COL5A3: variants seen among roughly 807,000 people sequenced by gnomAD.
COL5A3 encodes collagen alpha-3(V) chain.
A neutral mutation model predicts 250.0 loss-of-function variants in COL5A3; 172 were observed. The observed-to-expected ratio is 0.69, with a 90% CI of 0.61 to 0.78. The LOEUF (loss-of-function observed/expected upper bound fraction) is 0.78, where lower values mean the gene tolerates loss of function less well. COL5A3 is among the 30% of genes least tolerant of loss of function. The probability of loss-of-function intolerance (pLI) is 0.00; values close to 1 mark genes in which losing one functional copy is unlikely to be tolerated. For synonymous variants in COL5A3, 937 were observed against 900.4 expected (o/e 1.04, Z -0.73); for missense variants, 2,340 against 2,334.4 (o/e 1.00, Z -0.05).
At chr19:10,010,243 T>G (rs1472448148) in intron 1 of COL5A3, 55 bp downstream of exon 1, 3 of 1,231,510 alleles carry the variant, frequency 2.4e-6, no homozygotes, top group Non-Finnish European at 3.2e-6. Flanking sequence ...CCTCGCTCTT[T>G]TAGAGCCTCT....
At chr19:10,006,391 C>T (rs1432855360) in intron 1 of COL5A3, among the ~76,000 whole-genome samples, 160 bp from the exon 2 acceptor site, 1 of 152,100 alleles carries the variant, frequency 6.6e-6, no homozygotes, top group South Asian at 2.1e-4. Flanking sequence ...GCCTGGGCCC[C>T]CAGCACCCCC....
chr19:9,986,252 G>C, intron 30 of COL5A3, 63 bp downstream of exon 30: 1 of 1,155,052 alleles, frequency 8.7e-7, no homozygotes, highest in Non-Finnish European at 1.2e-6. Context: ...AAGGGCAAAG[G>C]GCAGAGGGAA....
At chr19:10,002,150 C>G (rs1049127741) in intron 6 of COL5A3, among the ~76,000 whole-genome samples, 13 of 152,176 alleles carry the variant, frequency 8.5e-5, no homozygotes, top group Admixed American at 5.9e-4. Context: ...CAGGGCCAGG[C>G]TCCCGGAAGC....
intron 8 of COL5A3, among the ~76,000 whole-genome samples, chr19:9,999,618 C>T (rs977112643): frequency 1.4e-5 from 2 of 142,914 alleles, no homozygotes; most frequent in Admixed American, 1.4e-4. Flanking sequence ...GCGCCCGCCA[C>T]CACGCCCAGC....
chr19:9,976,697 C>T (rs2086927825), intron 44 of COL5A3, 86 bp from the exon 45 acceptor site: 1 of 1,016,306 alleles, frequency 9.8e-7, no homozygotes, highest in Admixed American at 2.7e-5. Context: ...GCCTCCCACA[C>T]CCCCTTTATG....
At chr19:9,967,640 C>T (rs2086773315) in intron 61 of COL5A3, 1 of 557,700 alleles carries the variant, frequency 1.8e-6, no homozygotes, top group Admixed American at 3.7e-5. Context: ...TCTCTGAAAT[C>T]AGCTTCTTAA....
chr19:10,003,597 A>G lies in COL5A3; in HGVS notation c.817T>C (p.Ser273Pro). ...TCTGCGGAGTCAGGAGGTGGACTTG[A>G]GGTCCAAATTTCCTTGTTCTTTTTC... is the stretch of plus-strand genomic sequence containing the variant. ...GRKKNKEIWT[S>P]SPPPDSAENQ... is the part of the protein sequence containing the mutation. Residue 273 changes from serine to proline, a missense_variant, in exon 6 of 67, where the codon TCA becomes CCA. Transcript: ENST00000264828. 1 of 1,614,172 alleles carries G rather than the reference A, an allele frequency of 6.2e-7. No individual in the cohort carries two copies. Among genetic ancestry groups the G allele is most frequent in the Non-Finnish European group, 8.5e-7 (1 of 1,180,042 alleles).
intron 31 of COL5A3, among the ~76,000 whole-genome samples, chr19:9,985,452 GT>G (rs2087085740): frequency 6.7e-6 from 1 of 149,340 alleles, no homozygotes; most frequent in African/African-American, 2.5e-5. Flanking sequence ...TAGAGATGGG[GT>G]TTCTCCATGT....
intron 4 of COL5A3, among the ~76,000 whole-genome samples, chr19:10,005,301 G>A (rs1208310185): frequency 6.7e-6 from 1 of 149,730 alleles, no homozygotes; most frequent in East Asian, 2.0e-4. Flanking sequence ...AGTGAGCTGA[G>A]ATCAAGCCAC....
rs1429082416 is a variant in COL5A3, at chr19:9,976,292, G to T, written c.3342+266C>A. On this transcript the variant is annotated intron_variant, in intron 45 of 66. Transcript: ENST00000264828. ...GGGATTGGGTTCATACTGGGTGTTT[G>T]TACTGAGGGGAAGACATGGTTGGGT... Among the ~76,000 whole-genome samples, 4 of 151,680 alleles carry T rather than the reference G, an allele frequency of 2.6e-5. No individual in the cohort carries two copies. In the South Asian group the frequency reaches 8.3e-4, roughly 32 times the overall value.
At chr19:9,996,175 A>C (rs1489388523) in intron 14 of COL5A3, 31 bp downstream of exon 14, 2 of 1,555,934 alleles carry the variant, frequency 1.3e-6, no homozygotes, top group South Asian at 2.4e-5. Context: ...TAATGCATGC[A>C]CCGCCCCCTC....
rs766902306 is a variant in COL5A3 at position 9,986,778 on chromosome 19, A to C, written c.2146-20T>G. Reference sequence around the variant, plus strand: ...AGTGCCCTGGAAAATAAAAAAAAAAAGCTCTCAAGCCTCTTCCCTGCTTAA... The same window carrying C: ...AGTGCCCTGGAAAATAAAAAAAAAACGCTCTCAAGCCTCTTCCCTGCTTAA... On this transcript the variant is annotated intron_variant, in intron 27 of 66. Transcript: ENST00000264828. The C allele has an allele frequency of 1.2e-4, 188 of 1,610,174 alleles. No individual in the cohort carries two copies. Among genetic ancestry groups the C allele is most frequent in the Non-Finnish European group, 1.4e-5 (17 of 1,178,506 alleles).
chr19:9,978,802 A>G (rs1410706244), intron 40 of COL5A3, 89 bp downstream of exon 40: 5 of 1,046,736 alleles, frequency 4.8e-6, no homozygotes, highest in South Asian at 2.3e-5. Flanking sequence ...CATTTCCCGC[A>G]CCCCAAATGC....
At chr19:9,973,260 G>A (rs11880988) in intron 50 of COL5A3, among the ~76,000 whole-genome samples, 4,479 of 152,260 alleles carry the variant, frequency 0.029, 214 homozygotes, top group African/African-American at 0.1. Flanking sequence ...CCCATGTGCT[G>A]CCCTTGAGTG....
Position 9,997,213 on chromosome 19 carries a change from T to C in COL5A3, c.1263+158A>G, listed in dbSNP as rs1328489660. The C allele has an allele frequency of 4.4e-6, 3 of 675,808 alleles. No homozygotes were observed. In the East Asian group the frequency reaches 8.2e-5, roughly 19 times the overall value. 41.9% of individuals were successfully genotyped at this position (675,808 alleles called of 1,614,324 possible). The stretch of plus-strand genomic sequence containing the variant: ...AGCAACACAAGGTGAACCAGAGAAA[T>C]AGTTCACAGATGGGAGACAGAGAAC... On this transcript the variant is annotated intron_variant, in intron 11 of 66. Coordinates refer to ENST00000264828, the MANE Select transcript of COL5A3 (RefSeq NM_015719.4).
rs760217268 is a variant in COL5A3 at position 9,979,983 on chromosome 19, A to G, written c.2658+11T>C. 3 of 1,584,692 alleles carry G rather than the reference A, an allele frequency of 1.9e-6. No homozygotes were observed. Among genetic ancestry groups the G allele is most frequent in the Non-Finnish European group, 2.6e-6 (3 of 1,171,396 alleles). On this transcript the variant is annotated intron_variant, in intron 36 of 66. Transcript: ENST00000264828. ...ACCCACCCAACCCCCAATGAGGGTG[A>G]CCTCACTCACAGGGGGGCCCTTTGG...
Position 9,978,992 on chromosome 19 carries a change from C to T in COL5A3, c.2875-12G>A. The T allele has an allele frequency of 6.5e-7, 1 of 1,544,630 alleles. No individual in the cohort carries two copies. The highest frequency in any genetic ancestry group is 8.7e-7 in the Non-Finnish European group (1 of 1,149,360). ...GGTCCCAGTTCCCCCTACAGGAGTG[C>T]AAAGGAGGGAAGTCAAGCTCCAGGG... On this transcript the variant is annotated splice_polypyrimidine_tract_variant and intron_variant, in intron 39 of 66. Coordinates refer to ENST00000264828, the MANE Select transcript of COL5A3 (RefSeq NM_015719.4).
At position 9,977,415 on chromosome 19, in the gene COL5A3, G is replaced by GA; in HGVS notation, c.3183_3184insT (p.Pro1062SerfsTer29). On this transcript the variant is annotated frameshift_variant, in exon 43 of 67. Coordinates refer to ENST00000264828, the MANE Select transcript of COL5A3 (RefSeq NM_015719.4). LOFTEE classifies it high-confidence loss of function. ...CCAGCAGCTCCAGGGGGTCCCAGAG[G>GA]CCCCAGGGGCCCTGGGATCCCATCT... 1 of 1,531,844 alleles carries GA rather than the reference G, an allele frequency of 6.5e-7. No homozygotes were observed. The highest frequency in any genetic ancestry group is 8.8e-7 in the Non-Finnish European group (1 of 1,141,556). 94.9% of individuals were successfully genotyped at this position (1,531,844 alleles called of 1,614,324 possible). A position where few individuals can be genotyped will look rare whatever the true frequency, so the allele number is the denominator to read the frequency against.
At chr19:9,988,833 C>CAAAAAAAAAAAAAA (rs67181648) in intron 27 of COL5A3, among the ~76,000 whole-genome samples, 3 of 39,416 alleles carry the variant, frequency 7.6e-5, no homozygotes, top group Non-Finnish European at 1.3e-4. Context: ...GACTCTGTCT[C>CAAAAAAAAAAAAAA]AAAAAAAAAA....
Sources: allele counts gnomAD v4.1 joint callset (sites outside exome capture counted in the v4.1 genomes callset), GRCh38; gene constraint gnomAD v4.1.1; transcripts MANE v1.5; gene names NCBI Gene and HGNC (gene_info 2026-07-23, HGNC 2026-07-21).